ADAMTS20: variants seen among roughly 807,000 people sequenced by gnomAD.
The protein encoded by ADAMTS20 is ADAM metallopeptidase with thrombospondin type 1 motif 20, also known as A disintegrin and metalloproteinase with thrombospondin motifs 20.
A neutral mutation model predicts 260.1 loss-of-function variants in ADAMTS20; 225 were observed. That is an observed-to-expected ratio of 0.87 (90% CI 0.78 to 0.97). ADAMTS20 has a LOEUF of 0.97. Among genes scored for constraint, ADAMTS20 ranks in the 50% least tolerant of loss-of-function variants. The pLI is 0.00. For missense variants in ADAMTS20, 2,400 were observed against 2,337.7 expected, an observed-to-expected ratio of 1.03 and a Z score of -0.55; for synonymous variants, 802 against 769.5, an observed-to-expected ratio of 1.04 and a Z score of -0.70.
chr12:43,413,352 T>C (rs1941069271), intron 28 of ADAMTS20, among the ~76,000 whole-genome samples: 1 of 152,168 alleles, frequency 6.6e-6, no homozygotes, highest in African/African-American at 2.4e-5. Context: ...TCTACTATAA[T>C]AGAAGACATG....
At chr12:43,479,708 G>T (rs529683510) in intron 7 of ADAMTS20, among the ~76,000 whole-genome samples, 5 of 152,100 alleles carry the variant, frequency 3.3e-5, no homozygotes, top group Admixed American at 6.5e-5. Flanking sequence ...TAAATTGATA[G>T]TCTCAAATAA....
At chr12:43,432,282 A>G (rs763018331) in intron 21 of ADAMTS20, 22 bp downstream of exon 21, 6 of 1,604,276 alleles carry the variant, frequency 3.7e-6, no homozygotes, top group Non-Finnish European at 5.1e-6. Flanking sequence ...TAATAGTTCC[A>G]AGCATCATGT....
chr12:43,457,727 T>C (rs1164680910), intron 11 of ADAMTS20, among the ~76,000 whole-genome samples: 2 of 152,216 alleles, frequency 1.3e-5, no homozygotes, highest in African/African-American at 4.8e-5. Flanking sequence ...CCTTTCATTA[T>C]CTCACTACTA....
At chr12:43,535,314 G>C (rs879720522) in intron 2 of ADAMTS20, among the ~76,000 whole-genome samples, 1 of 152,010 alleles carries the variant, frequency 6.6e-6, no homozygotes, top group African/African-American at 2.4e-5. Flanking sequence ...TCCTACCTTT[G>C]CAAGCTCAGT....
At chr12:43,523,643 G>A (rs999213562) in intron 3 of ADAMTS20, among the ~76,000 whole-genome samples, 1 of 152,116 alleles carries the variant, frequency 6.6e-6, no homozygotes, top group African/African-American at 2.4e-5. Context: ...CACAGGAGCT[G>A]GGTGGGGCTT....
intron 28 of ADAMTS20, among the ~76,000 whole-genome samples, chr12:43,422,585 T>C (rs1269183859): frequency 2.0e-5 from 3 of 152,034 alleles, no homozygotes; most frequent in Non-Finnish European, 4.4e-5. Context: ...TTCATACATA[T>C]AAAAAAGTAA....
At chr12:43,403,072 A>C (rs1177571696) in intron 28 of ADAMTS20, among the ~76,000 whole-genome samples, 1 of 152,156 alleles carries the variant, frequency 6.6e-6, no homozygotes, top group Admixed American at 6.6e-5. Flanking sequence ...AGATCTTTAG[A>C]GTTGTTCTAG....
intron 2 of ADAMTS20, among the ~76,000 whole-genome samples, chr12:43,539,160 C>T (rs1002932823): frequency 1.3e-5 from 2 of 151,920 alleles, no homozygotes; most frequent in African/African-American, 4.8e-5. Context: ...ACCATCTTGG[C>T]CAGGCTGGTC....
chr12:43,429,353 C>T (rs936367598), intron 24 of ADAMTS20, among the ~76,000 whole-genome samples: 5 of 152,108 alleles, frequency 3.3e-5, no homozygotes, highest in African/African-American at 1.2e-4. Flanking sequence ...TCATAACAAC[C>T]TGTGACGTAA....
At chr12:43,461,041 A>C (rs1369036983) in intron 11 of ADAMTS20, among the ~76,000 whole-genome samples, 1 of 120,122 alleles carries the variant, frequency 8.3e-6, no homozygotes, top group Non-Finnish European at 1.6e-5. Flanking sequence ...GTCCCCTAGT[A>C]GTGCAAAGGC....
chr12:43,442,614 A>G lies in ADAMTS20; in HGVS notation c.2290+1177T>C, dbSNP rs142693992. On this transcript the variant is annotated intron_variant, in intron 16 of 38. Coordinates refer to ENST00000389420, the MANE Select transcript of ADAMTS20 (RefSeq NM_025003.5). ...CTGTGATCCAGTCCCAGAAAGATAT[A>G]TTTGTCTACATTTGGAATCTAAGAG... Among the ~76,000 whole-genome samples, 65 of 152,210 alleles carry G rather than the reference A, an allele frequency of 4.3e-4. No homozygotes were observed. The East Asian group carries it at 0.011, about 25-fold the overall frequency.
rs914877431 is a variant in ADAMTS20, at chr12:43,443,857, C to T, written c.2224G>A (p.Ala742Thr). 6.8e-6 allele frequency: 11 copies of T among 1,612,652 alleles called. No homozygotes were observed. Among genetic ancestry groups the T allele is most frequent in the Admixed American group, 3.3e-5 (2 of 59,974 alleles). The change falls in exon 16 of 39, where the codon GCA becomes ACA. Residue 742 changes from alanine to threonine, a missense_variant. Transcript: ENST00000389420. ...CGAATGTCAACGTTTGTTGCTCCTGCGGGAATCTTTACAACAACATTATAA... is the reference window on the plus strand; with the variant it reads ...CGAATGTCAACGTTTGTTGCTCCTGTGGGAATCTTTACAACAACATTATAA... Reference protein sequence around the residue: ...YGYNVVVKIPAGATNVDIRQY... With the variant: ...YGYNVVVKIPTGATNVDIRQY...
At position 43,551,122 on chromosome 12, in the gene ADAMTS20, A is replaced by G; in HGVS notation, c.240T>C (p.Tyr80=). Residue 80 remains tyrosine, a synonymous_variant, in exon 2 of 39, where the codon TAT becomes TAC. Transcript: ENST00000389420. This position sits in a 1 kb window ranked among gnomAD's most constrained non-coding sequence, Gnocchi z 4.6. The stretch of plus-strand genomic sequence containing the variant: ...AGAGCTGCCCGTAGGCAGTGAAGCG[A>G]TAGTGGGTTCGGAACGGCATGGGTT... ...ALEPMPFRTH[Y]RFTAYGQLFQ... 3 of 1,613,892 alleles carry G rather than the reference A, an allele frequency of 1.9e-6. No individual in the cohort carries two copies. Among genetic ancestry groups the G allele is most frequent in the Non-Finnish European group, 2.5e-6 (3 of 1,179,854 alleles).
chr12:43,508,702 A>G (rs1326887895), intron 3 of ADAMTS20, among the ~76,000 whole-genome samples: 1 of 152,182 alleles, frequency 6.6e-6, no homozygotes, highest in African/African-American at 2.4e-5. Context: ...ACATAATAAC[A>G]TCAGGGTAAA....
At position 43,358,983 on chromosome 12, in the gene ADAMTS20, A is replaced by T. The variant is rs184606591; in HGVS notation, c.5539-2395T>A. Among the ~76,000 whole-genome samples the T allele has an allele frequency of 1.7e-3, 265 of 152,278 alleles. 1 individual carries two copies. Among genetic ancestry groups the T allele is most frequent in the African/African-American group, 6.2e-3 (258 of 41,554 alleles). ...TTCCAATACTTCATTTAAGATTAAA[A>T]TTTAAACCTCAAACCTAATCTTTAA... On this transcript the variant is annotated intron_variant, in intron 37 of 38. Coordinates refer to ENST00000389420, the MANE Select transcript of ADAMTS20 (RefSeq NM_025003.5).
intron 14 of ADAMTS20, among the ~76,000 whole-genome samples, chr12:43,451,833 G>A (rs1941868974): frequency 6.6e-6 from 1 of 151,980 alleles, no homozygotes; most frequent in Admixed American, 6.6e-5. Flanking sequence ...CTCAATCAAT[G>A]TTTGTTGAAT....
intron 18 of ADAMTS20, among the ~76,000 whole-genome samples, chr12:43,436,102 A>G (rs1252379532): frequency 6.6e-6 from 1 of 152,260 alleles, no homozygotes; most frequent in African/African-American, 2.4e-5. Context: ...AAGAAAAAAA[A>G]CAGCAAGGAA....
downstream of ADAMTS20, among the ~76,000 whole-genome samples, chr12:43,353,267 A>G (rs1173070740): frequency 6.6e-6 from 1 of 152,030 alleles, no homozygotes; most frequent in Non-Finnish European, 1.5e-5. Flanking sequence ...AAAATAACTT[A>G]AACATCTCTA....
At chr12:43,520,362 G>T (rs1014146469) in intron 3 of ADAMTS20, among the ~76,000 whole-genome samples, 2 of 152,046 alleles carry the variant, frequency 1.3e-5, no homozygotes, top group African/African-American at 4.8e-5. Context: ...TTAAAACATA[G>T]TCTAAAATGG....
Sources: allele counts gnomAD v4.1 joint callset (sites outside exome capture counted in the v4.1 genomes callset), GRCh38; gene constraint gnomAD v4.1.1; non-coding constraint Gnocchi (gnomAD v3.1); transcripts MANE v1.5; gene names NCBI Gene and HGNC (gene_info 2026-07-23, HGNC 2026-07-21).